Variants in JMJD1C observed in about 807,000 individuals in gnomAD.
The protein encoded by JMJD1C is jumonji domain-containing protein 1C.
JMJD1C carries 31 observed loss-of-function variants against 245.3 expected under a neutral mutation model. That is an observed-to-expected ratio of 0.13 (90% CI 0.09 to 0.17). The LOEUF (loss-of-function observed/expected upper bound fraction) is 0.17, where lower values mean the gene tolerates loss of function less well. Ranked by LOEUF, JMJD1C falls within the 10% of genes least tolerant of loss-of-function variation. The pLI, the probability that JMJD1C is intolerant of heterozygous loss-of-function variation, is 1.00. For missense variants in JMJD1C, 2,691 were observed against 3,000.2 expected, an observed-to-expected ratio of 0.90 and a Z score of 2.41; for synonymous variants, 1,057 against 1,017.4, an observed-to-expected ratio of 1.04 and a Z score of -0.74.
intron 1 of JMJD1C, among the ~76,000 whole-genome samples, chr10:63,520,695 A>C (rs929379450): frequency 1.3e-5 from 2 of 152,190 alleles, no homozygotes; most frequent in African/African-American, 4.8e-5. Context: ...GGCAGGCCTC[A>C]GGGAAATAAT....
chr10:63,327,427 T>C (rs926623455), intron 2 of JMJD1C, among the ~76,000 whole-genome samples: 1 of 152,168 alleles, frequency 6.6e-6, no homozygotes, highest in East Asian at 1.9e-4. Flanking sequence ...TGCCATTATA[T>C]GTATATTTCC....
intron 3 of JMJD1C, among the ~76,000 whole-genome samples, chr10:63,237,064 T>G (rs980097633): frequency 2.0e-5 from 3 of 152,164 alleles, no homozygotes; most frequent in African/African-American, 7.2e-5. Context: ...TTTTAAGACA[T>G]CTTGCTCTTG....
chr10:63,234,140 A>C (rs555142289), intron 3 of JMJD1C, among the ~76,000 whole-genome samples: 1 of 151,950 alleles, frequency 6.6e-6, no homozygotes, highest in African/African-American at 2.4e-5. Flanking sequence ...ACTCACATTA[A>C]AAGGTGGACT....
intron 3 of JMJD1C, among the ~76,000 whole-genome samples, chr10:63,244,856 G>T (rs1344889283): frequency 6.6e-6 from 1 of 151,604 alleles, no homozygotes; most frequent in African/African-American, 2.4e-5. Flanking sequence ...AGAAATTAAG[G>T]CTGGGTGCGG....
intron 21 of JMJD1C, among the ~76,000 whole-genome samples, chr10:63,184,291 A>AG (rs1310352067): frequency 1.4e-5 from 2 of 142,808 alleles, no homozygotes; most frequent in African/African-American, 5.3e-5. Flanking sequence ...CCCAGGCTGG[A>AG]GTGCAGTAGT....
chr10:63,467,644 C>A (rs751605034), upstream of JMJD1C, among the ~76,000 whole-genome samples: 1 of 152,216 alleles, frequency 6.6e-6, no homozygotes, highest in Non-Finnish European at 1.5e-5. Context: ...TTTCAGTGTA[C>A]ACTGTATAAT....
At chr10:63,416,773 T>C (rs1365048743) in intron 1 of JMJD1C, among the ~76,000 whole-genome samples, 1 of 152,214 alleles carries the variant, frequency 6.6e-6, no homozygotes, top group Non-Finnish European at 1.5e-5. Flanking sequence ...TTAAAAATGC[T>C]TACAAAATTC....
At chr10:63,176,266 A>G in intron 24 of JMJD1C, 31 bp downstream of exon 24, 1 of 1,518,414 alleles carries the variant, frequency 6.6e-7, no homozygotes, top group Non-Finnish European at 8.9e-7. Flanking sequence ...TCAGTCAGTA[A>G]AAAATATGTT....
At position 63,200,652 on chromosome 10, in the gene JMJD1C, T is replaced by C. The variant is rs1416351734; in HGVS notation, c.5100A>G (p.Lys1700=). The C allele has an allele frequency of 2.5e-6, 4 of 1,614,050 alleles. No individual in the cohort carries two copies. In the South Asian group the frequency reaches 4.4e-5, roughly 18 times the overall value. The change falls in exon 11 of 26, where the codon AAA becomes AAG. Residue 1700 remains lysine, a synonymous_variant. Transcript: ENST00000399262. The part of the protein sequence containing the change: ...SNTGIPRSVL[K]DWRKVKKLKQ... Reference sequence around the variant, plus strand: ...TCAGCTTCTTGACTTTACGCCAATCTTTCAATACTGAACGAGGAATGCCAG... The same window carrying C: ...TCAGCTTCTTGACTTTACGCCAATCCTTCAATACTGAACGAGGAATGCCAG...
intron 1 of JMJD1C, among the ~76,000 whole-genome samples, chr10:63,402,334 T>A (rs1948918565): frequency 1.3e-5 from 2 of 152,190 alleles, no homozygotes; most frequent in Non-Finnish European, 2.9e-5. Context: ...TAACATTTCG[T>A]TAAAATAAAC....
At chr10:63,237,912 T>G (rs1433718676) in intron 3 of JMJD1C, among the ~76,000 whole-genome samples, 3 of 148,662 alleles carry the variant, frequency 2.0e-5, no homozygotes, top group Non-Finnish European at 4.4e-5. Flanking sequence ...GGCTCATGCC[T>G]GTAATCCTAG....
intron 3 of JMJD1C, among the ~76,000 whole-genome samples, chr10:63,221,450 T>G (rs1848587367): frequency 6.6e-6 from 1 of 152,188 alleles, no homozygotes; most frequent in Non-Finnish European, 1.5e-5. Flanking sequence ...TTATGTTCCT[T>G]GGAAAATACA....
At position 63,461,194 on chromosome 10, in the gene JMJD1C, T is replaced by A. The variant is rs375967747; in HGVS notation, c.168+4301A>T. Among the ~76,000 whole-genome samples the A allele has an allele frequency of 4.6e-5, 7 of 152,242 alleles. No homozygotes were observed. The South Asian group carries it at 1.2e-3, about 27-fold the overall frequency. On this transcript the variant is annotated intron_variant, in intron 1 of 25. Coordinates refer to ENST00000399262, the MANE Select transcript of JMJD1C (RefSeq NM_032776.3). ...CAGCAATAGCAATAACAAATTCGAGTGTGAAAAATAGTTGGCATACTTACA... is the reference window on the plus strand; with the variant it reads ...CAGCAATAGCAATAACAAATTCGAGAGTGAAAAATAGTTGGCATACTTACA...
In JMJD1C at chr10:63,360,535, A is replaced by C. The variant is rs1209899899; in HGVS notation, c.333+19783T>G. Among the ~76,000 whole-genome samples, 3 of 152,232 alleles carry C rather than the reference A, an allele frequency of 2.0e-5. No individual in the cohort carries two copies. In the South Asian group the frequency reaches 6.2e-4, roughly 31 times the overall value. ...GGTAAGACTAAACTTGCAGTCATGC[A>C]GTAATTTCCTAAAAGGATATTTGAC... On this transcript the variant is annotated intron_variant, in intron 2 of 25. Coordinates refer to ENST00000399262, the MANE Select transcript of JMJD1C (RefSeq NM_032776.3).
intron 2 of JMJD1C, among the ~76,000 whole-genome samples, chr10:63,318,444 T>C (rs1027078777): frequency 9.2e-5 from 14 of 152,204 alleles, no homozygotes; most frequent in Non-Finnish European, 1.8e-4. Context: ...ATTTCTCTTA[T>C]GTTAATGTTT....
intron 2 of JMJD1C, among the ~76,000 whole-genome samples, chr10:63,328,795 T>C (rs1941815703): frequency 6.6e-6 from 1 of 152,258 alleles, no homozygotes; most frequent in Non-Finnish European, 1.5e-5. Context: ...TAATATGTAC[T>C]TTAACTTTGC....
At chr10:63,179,481 A>G (rs535559821) in intron 22 of JMJD1C, among the ~76,000 whole-genome samples, 1 of 152,244 alleles carries the variant, frequency 6.6e-6, no homozygotes, top group East Asian at 1.9e-4. Context: ...TAGCCATAAA[A>G]ATGAAATCAC....
intron 1 of JMJD1C, among the ~76,000 whole-genome samples, chr10:63,507,835 T>C (rs1231853799): frequency 1.3e-5 from 2 of 152,182 alleles, no homozygotes; most frequent in African/African-American, 4.8e-5. Flanking sequence ...ATGTGGTACA[T>C]CTTTTCACGT....
intron 1 of JMJD1C, among the ~76,000 whole-genome samples, chr10:63,390,585 A>G (rs1305703843): frequency 6.6e-6 from 1 of 152,114 alleles, no homozygotes; most frequent in Non-Finnish European, 1.5e-5. Flanking sequence ...CAACAACAAC[A>G]ACAACAAAAT....
Sources: gnomAD v4.1 joint callset for allele counts (sites outside exome capture counted in the v4.1 genomes callset) on GRCh38, gnomAD v4.1.1 for gene constraint, MANE v1.5 for transcripts, NCBI Gene and HGNC (gene_info 2026-07-23, HGNC 2026-07-21) for gene names.